The following NNT variants were observed in gnomAD, a reference collection of about 807,000 sequenced individuals.
The protein encoded by NNT is nicotinamide nucleotide transhydrogenase.
A neutral mutation model predicts 104.8 loss-of-function variants in NNT; 50 were observed. That is an observed-to-expected ratio of 0.48 (90% CI 0.38 to 0.60). The LOEUF (loss-of-function observed/expected upper bound fraction) is 0.60, where lower values mean the gene tolerates loss of function less well. NNT is among the 20% of genes least tolerant of loss of function. NNT has a pLI of 0.00. For synonymous variants in NNT, 461 were observed against 490.4 expected (o/e 0.94, Z 0.79); for missense variants, 1,131 against 1,330.7 (o/e 0.85, Z 2.33).
chr5:43,681,873 C>T (rs1026496776), intron 19 of NNT, among the ~76,000 whole-genome samples: 2 of 152,160 alleles, frequency 1.3e-5, no homozygotes, highest in African/African-American at 4.8e-5. Flanking sequence ...ATTAACAGAT[C>T]AATCAATGAA....
At chr5:43,684,187 C>T (rs559584979) in intron 19 of NNT, among the ~76,000 whole-genome samples, 5 of 151,790 alleles carry the variant, frequency 3.3e-5, no homozygotes, top group Middle Eastern at 3.4e-3. Context: ...AATTGTTCCC[C>T]TGAGATATTT....
chr5:43,663,583 A>C (rs535866704), intron 17 of NNT, among the ~76,000 whole-genome samples: 16 of 152,178 alleles, frequency 1.1e-4, no homozygotes, highest in Non-Finnish European at 2.2e-4. Context: ...AAATTATAGG[A>C]GATTTATTCA....
rs975547270 is a variant in NNT, at chr5:43,661,489, T to C, written c.2634+2139T>C. 4.0e-5 allele frequency among the ~76,000 whole-genome samples: 6 copies of C among 151,536 alleles called. No homozygotes were observed. In the South Asian group the frequency reaches 1.0e-3, roughly 26 times the overall value. On this transcript the variant is annotated intron_variant, in intron 17 of 21. Transcript: ENST00000344920. The stretch of plus-strand genomic sequence containing the variant: ...GTTAGTTACATATGTATACATGTGC[T>C]ATGCTGGTGCGCTGCACCCACTAAC...
intron 20 of NNT, among the ~76,000 whole-genome samples, chr5:43,701,938 A>T (rs961017012): frequency 2.0e-5 from 3 of 151,834 alleles, no homozygotes; most frequent in African/African-American, 4.8e-5. Context: ...AAATTTTTTT[A>T]AAATTTATTT....
chr5:43,650,838 T>C (rs892589143), intron 12 of NNT, among the ~76,000 whole-genome samples: 8 of 152,214 alleles, frequency 5.3e-5, no homozygotes, highest in Non-Finnish European at 1.0e-4. Context: ...TGGAAAGTTA[T>C]TGAATGCATA....
At chr5:43,671,992 A>AT (rs1238417612) in intron 17 of NNT, among the ~76,000 whole-genome samples, 3 of 151,446 alleles carry the variant, frequency 2.0e-5, no homozygotes, top group African/African-American at 4.9e-5. Context: ...TCTTTTTACT[A>AT]TTTTTTCTCT....
chr5:43,680,143 A>AT (rs959323223), intron 19 of NNT, among the ~76,000 whole-genome samples: 5 of 151,770 alleles, frequency 3.3e-5, no homozygotes, highest in African/African-American at 4.8e-5. Context: ...TTCTGTGTGA[A>AT]TTTTTTTTAT....
chr5:43,700,061 G>A, intron 19 of NNT, 58 bp from the exon 20 acceptor site: 3 of 1,322,646 alleles, frequency 2.3e-6, no homozygotes, highest in South Asian at 1.3e-5. Context: ...TGATATTGGG[G>A]TCTCTGTACA....
intron 17 of NNT, among the ~76,000 whole-genome samples, chr5:43,664,214 A>G (rs1205053942): frequency 1.4e-4 from 21 of 152,222 alleles, no homozygotes. Flanking sequence ...ATGATATCCA[A>G]ATATCATATA....
At chr5:43,666,119 G>A (rs569980194) in intron 17 of NNT, among the ~76,000 whole-genome samples, 2 of 151,964 alleles carry the variant, frequency 1.3e-5, no homozygotes, top group South Asian at 2.1e-4. Flanking sequence ...CTGGGCGGCC[G>A]GGCAGAGGGG....
At chr5:43,640,965 A>G (rs1751201012) in intron 7 of NNT, among the ~76,000 whole-genome samples, 1 of 151,754 alleles carries the variant, frequency 6.6e-6, no homozygotes, top group Non-Finnish European at 1.5e-5. Context: ...GATATTCCCC[A>G]AGGCTTCCTT....
chr5:43,628,587 G>GA (rs1484608683), intron 7 of NNT, among the ~76,000 whole-genome samples, 200 bp downstream of exon 7: 1 of 151,912 alleles, frequency 6.6e-6, no homozygotes, highest in Non-Finnish European at 1.5e-5. Context: ...TTTTTTCTGT[G>GA]AAAAAATTTT....
At chr5:43,668,274 C>G (rs865829033) in intron 17 of NNT, among the ~76,000 whole-genome samples, 13 of 145,982 alleles carry the variant, frequency 8.9e-5, no homozygotes, top group African/African-American at 3.3e-4. Flanking sequence ...TGCAGTAGCT[C>G]TTTAGTTTAA....
Position 43,656,738 on chromosome 5 carries a change from C to T in NNT, c.2379C>T (p.Ile793=). The T allele has an allele frequency of 6.2e-7, 1 of 1,614,138 alleles. No individual in the cohort carries two copies. Among genetic ancestry groups the T allele is most frequent in the Non-Finnish European group, 8.5e-7 (1 of 1,180,002 alleles). ...TGGCTGCTAGTGTGGGCGGGATAATCCCATTCATGGTGGACCCAAGCTTTA... is the reference window on the plus strand; with the variant it reads ...TGGCTGCTAGTGTGGGCGGGATAATTCCATTCATGGTGGACCCAAGCTTTA... ...GLLAASVGGI[I]PFMVDPSFTT... Residue 793 remains isoleucine (I), a synonymous_variant, in exon 16 of 22, where the codon ATC becomes ATT. Coordinates refer to ENST00000344920, the MANE Select transcript of NNT (RefSeq NM_182977.3).
At chr5:43,701,105 A>AT (rs369377135) in intron 20 of NNT, among the ~76,000 whole-genome samples, 1 of 152,016 alleles carries the variant, frequency 6.6e-6, no homozygotes, top group Non-Finnish European at 1.5e-5. Flanking sequence ...ATTTTTATGT[A>AT]TTTTTTTAAC....
In NNT at chr5:43,655,978, C is replaced by T. The variant is rs1346623858; in HGVS notation, c.2198C>T (p.Ala733Val). 2.5e-6 allele frequency: 4 copies of T among 1,614,066 alleles called. No individual in the cohort carries two copies. The African/African-American group carries it at 5.3e-5, about 22-fold the overall frequency. The change falls in exon 15 of 22, where the codon GCA becomes GTA. Residue 733 changes from alanine to valine, a missense_variant. By Grantham distance (64) the Ala-to-Val change is moderately conservative. Coordinates refer to ENST00000344920, the MANE Select transcript of NNT (RefSeq NM_182977.3). ...IIEYPHFATD[A>V]AANLTKIVAY... ...GAATATCCACATTTTGCTACGGATG[C>T]AGCAGCAAATCTCACCAAGATTGTG...
In NNT at chr5:43,644,339, C is replaced by A; in HGVS notation, c.1098+14C>A. ...TACATTCATAAGGTATAGCAAGATG[C>A]GTTTTCTATCTGTGATCACTTCTCA... On this transcript the variant is annotated intron_variant, in intron 8 of 21. Coordinates refer to ENST00000344920, the MANE Select transcript of NNT (RefSeq NM_182977.3). The A allele has an allele frequency of 6.2e-7, 1 of 1,609,580 alleles. No homozygotes were observed. Among genetic ancestry groups the A allele is most frequent in the Admixed American group, 1.7e-5 (1 of 58,676 alleles).
At chr5:43,629,280 C>T (rs1251205758) in intron 7 of NNT, among the ~76,000 whole-genome samples, 1 of 152,100 alleles carries the variant, frequency 6.6e-6, no homozygotes, top group Non-Finnish European at 1.5e-5. Flanking sequence ...TAACTCCATC[C>T]AAGTTTCTGT....
chr5:43,688,550 A>G (rs1405373516), intron 19 of NNT, among the ~76,000 whole-genome samples: 1 of 152,060 alleles, frequency 6.6e-6, no homozygotes, highest in African/African-American at 2.4e-5. Flanking sequence ...GTACTCTTTT[A>G]TCCCTTGCCA....
Sources: gnomAD v4.1 joint callset for allele counts (sites outside exome capture counted in the v4.1 genomes callset) on GRCh38, gnomAD v4.1.1 for gene constraint, MANE v1.5 for transcripts, NCBI Gene and HGNC (gene_info 2026-07-23, HGNC 2026-07-21) for gene names.